Variants in KIF26B observed in about 807,000 individuals in gnomAD.
KIF26B encodes kinesin-like protein KIF26B.
Under a neutral mutation model 151.2 loss-of-function variants are expected in KIF26B, and 63 were observed. The observed-to-expected ratio is 0.42, with a 90% CI of 0.34 to 0.51. KIF26B has a LOEUF of 0.51. Among genes scored for constraint, KIF26B ranks in the 20% least tolerant of loss-of-function variants. KIF26B has a pLI of 0.07. For missense variants in KIF26B, 2,813 were observed against 2,913.6 expected (o/e 0.97, Z 0.79); for synonymous variants, 1,357 against 1,262.1 (o/e 1.08, Z -1.59).
intron 2 of KIF26B, among the ~76,000 whole-genome samples, chr1:245,337,156 T>C (rs113485275): frequency 4.1e-5 from 4 of 98,072 alleles, no homozygotes; most frequent in African/African-American, 1.3e-4. Context: ...ATTTATTTAT[T>C]TATTTATTTA....
intron 4 of KIF26B, among the ~76,000 whole-genome samples, chr1:245,494,004 G>GA (rs374473537): frequency 0.012 from 1,841 of 148,146 alleles, 47 homozygotes; most frequent in African/African-American, 0.042. Flanking sequence ...GTGCTAAGTG[G>GA]AAAAAAAAAA....
intron 2 of KIF26B, among the ~76,000 whole-genome samples, chr1:245,269,907 G>A (rs1670820691): frequency 6.6e-6 from 1 of 152,166 alleles, no homozygotes; most frequent in African/African-American, 2.4e-5. Context: ...CAGCGAACAT[G>A]GGAATGCAAA....
chr1:245,312,872 T>A (rs1671689389), intron 2 of KIF26B, among the ~76,000 whole-genome samples: 1 of 152,100 alleles, frequency 6.6e-6, no homozygotes, highest in Admixed American at 6.6e-5. Context: ...GGAAGATGGA[T>A]GGATACTGGC....
intron 3 of KIF26B, among the ~76,000 whole-genome samples, chr1:245,417,019 AGGAG>A (rs1450395745): frequency 6.6e-6 from 1 of 152,184 alleles, no homozygotes; most frequent in Non-Finnish European, 1.5e-5. Context: ...TTAGGTTCTA[AGGAG>A]GGAGGGAGTG....
Position 245,435,105 on chromosome 1 carries a change from A to ATCTC in KIF26B, c.1166+15362_1166+15363insTCTC, listed in dbSNP as rs1423872384. Among the ~76,000 whole-genome samples, 20 of 150,230 alleles carry ATCTC rather than the reference A, an allele frequency of 1.3e-4. No homozygotes were observed. The South Asian group carries it at 1.5e-3, about 11-fold the overall frequency. On this transcript the variant is annotated intron_variant, in intron 4 of 14. Transcript: ENST00000407071. ...CATCCATCCATCCATCTCTCCATCC[A>ATCTC]TCCATCCATCCATCTCTCCATCTAC... is the stretch of plus-strand genomic sequence containing the variant.
At chr1:245,398,276 T>A (rs1166361867) in intron 3 of KIF26B, among the ~76,000 whole-genome samples, 1 of 152,170 alleles carries the variant, frequency 6.6e-6, no homozygotes, top group Non-Finnish European at 1.5e-5. Flanking sequence ...CCTTTACTCT[T>A]TGATCCAGGT....
At chr1:245,613,463 C>T (rs12040236) in intron 9 of KIF26B, among the ~76,000 whole-genome samples, 54,626 of 151,988 alleles carry the variant, frequency 0.36, 10,488 homozygotes, top group East Asian at 0.58. Flanking sequence ...ATTAGCTGGG[C>T]GTGGTGGCAC....
In KIF26B at chr1:245,609,457, G is replaced by A; in HGVS notation, c.1843G>A (p.Ala615Thr). Residue 615 changes from alanine (A) to threonine (T), a missense_variant, in exon 8 of 15, where the codon GCC (alanine) becomes ACC (threonine). Physicochemically the swap from Ala to Thr is moderately conservative, Grantham distance 58. Around this residue, in one of 3 missense-constraint regions of KIF26B, gnomAD observed 2,060 missense variants for 2,088.6 expected, o/e 0.99. Transcript: ENST00000407071. ...ENLRDLLSEVATGSLQDGQSP... is the reference protein window; with the variant it reads ...ENLRDLLSEVTTGSLQDGQSP... ...CCTGCGGGACCTGCTGTCGGAGGTG[G>A]CCACGGGCAGCCTGCAGGACGGCCA... is the stretch of plus-strand genomic sequence containing the variant. 1 of 1,603,478 alleles carries A rather than the reference G, an allele frequency of 6.2e-7. No individual in the cohort carries two copies.
chr1:245,699,445 C>T (rs1022133855), intron 14 of KIF26B, among the ~76,000 whole-genome samples: 6 of 150,252 alleles, frequency 4.0e-5, no homozygotes, highest in African/African-American at 7.4e-5. Context: ...GTACAGTCCT[C>T]GAAAAGCCAC....
intron 10 of KIF26B, among the ~76,000 whole-genome samples, chr1:245,679,563 G>A (rs1344981946): frequency 1.4e-5 from 2 of 147,434 alleles, no homozygotes; most frequent in East Asian, 4.0e-4. Context: ...CTGCCTCCTG[G>A]GTTCAGGTGA....
chr1:245,396,311 C>T (rs1195574762), intron 3 of KIF26B, among the ~76,000 whole-genome samples: 1 of 151,976 alleles, frequency 6.6e-6, no homozygotes, highest in Non-Finnish European at 1.5e-5. Context: ...AATTATCTGT[C>T]TATTCTAAGT....
At chr1:245,217,457 G>C (rs1291881240) in intron 2 of KIF26B, among the ~76,000 whole-genome samples, 1 of 151,502 alleles carries the variant, frequency 6.6e-6, no homozygotes, top group African/African-American at 2.4e-5. Flanking sequence ...CTCCGCTGCT[G>C]GGGTTCAAGC....
intron 2 of KIF26B, among the ~76,000 whole-genome samples, chr1:245,253,270 A>G (rs904230234): frequency 2.6e-5 from 4 of 152,170 alleles, no homozygotes; most frequent in Admixed American, 2.6e-4. Context: ...TGGCCTCCCA[A>G]AGTGCTGGGA....
At chr1:245,308,846 G>C (rs1338338237) in intron 2 of KIF26B, among the ~76,000 whole-genome samples, 1 of 152,228 alleles carries the variant, frequency 6.6e-6, no homozygotes, top group East Asian at 1.9e-4. Context: ...TCAGTTCTAA[G>C]ATGAGGTCCG....
At chr1:245,341,151 C>G (rs934843445) in intron 2 of KIF26B, among the ~76,000 whole-genome samples, 22 of 152,018 alleles carry the variant, frequency 1.4e-4, no homozygotes, top group African/African-American at 5.1e-4. Context: ...ATTCAGTGCT[C>G]CAGAGTCAAG....
intron 2 of KIF26B, among the ~76,000 whole-genome samples, chr1:245,345,177 G>A (rs1162141028): frequency 6.6e-6 from 1 of 152,178 alleles, no homozygotes; most frequent in Admixed American, 6.5e-5. Flanking sequence ...TGCTCACGCT[G>A]GTTACCTTGC....
At chr1:245,684,447 G>T in intron 11 of KIF26B, 52 bp downstream of exon 11, 1 of 1,509,970 alleles carries the variant, frequency 6.6e-7, no homozygotes. Flanking sequence ...CTTTGGAGCC[G>T]TGCCCTGGAA....
At chr1:245,552,929 G>A (rs1268562150) in intron 5 of KIF26B, among the ~76,000 whole-genome samples, 1 of 152,158 alleles carries the variant, frequency 6.6e-6, no homozygotes, top group African/African-American at 2.4e-5. Context: ...GCCCTGAGAG[G>A]TAGGCAGTGG....
At chr1:245,163,132 G>A (rs575664090) in intron 2 of KIF26B, among the ~76,000 whole-genome samples, 3 of 152,264 alleles carry the variant, frequency 2.0e-5, no homozygotes, top group East Asian at 3.9e-4. Context: ...CAAATTTTCA[G>A]TTGTATCTGG....
Sources: gnomAD v4.1 joint callset for allele counts (sites outside exome capture counted in the v4.1 genomes callset) on GRCh38, gnomAD v4.1.1 for gene constraint, gnomAD v4.1.1 regional missense constraint, MANE v1.5 for transcripts, NCBI Gene and HGNC (gene_info 2026-07-23, HGNC 2026-07-21) for gene names.